SLC9A7: variants seen among roughly 807,000 people sequenced by gnomAD.
The protein encoded by SLC9A7 is sodium/hydrogen exchanger 7.
In SLC9A7, 19 loss-of-function variants were observed where a neutral mutation model predicts 52.6. The observed-to-expected ratio is 0.36, with a 90% confidence interval of 0.25 to 0.53. The LOEUF (loss-of-function observed/expected upper bound fraction) is 0.53. Among genes scored for constraint, SLC9A7 ranks in the 20% least tolerant of loss-of-function variants. The pLI, the probability that SLC9A7 is intolerant of heterozygous loss-of-function variation, is 0.91. For missense variants in SLC9A7, 455 were observed against 597.9 expected (o/e 0.76, Z 2.49); for synonymous variants, 226 against 252.1 (o/e 0.90, Z 0.98).
intron 7 of SLC9A7, among the ~76,000 whole-genome samples, chrX:46,657,804 A>G (rs1943729619): frequency 9.1e-6 from 1 of 109,905 alleles, no homozygotes. Context: ...TCAACATTAG[A>G]CAGATCAATG....
rs1394921421 is a variant in SLC9A7, at chrX:46,601,588, G to A, written c.*5364C>T. 8.9e-6 allele frequency: 1 copy of A among 112,687 alleles called. No individual in the cohort carries two copies. Among genetic ancestry groups the A allele is most frequent in the African/African-American group, 3.2e-5 (1 of 31,045 alleles). 9.3% of individuals were successfully genotyped at this position (112,687 alleles called of 1,213,427 possible). ...CAGCCTGAAGAGATCCTTGCTGTTT[G>A]CTTGATGAAACATTTGATGTCGCAG... is the stretch of plus-strand genomic sequence containing the variant. On this transcript the variant is annotated 3_prime_UTR_variant, in exon 17 of 17. Transcript: ENST00000616978.
chrX:46,688,928 T>C (rs1944339549), intron 1 of SLC9A7, among the ~76,000 whole-genome samples: 1 of 111,815 alleles, frequency 8.9e-6, no homozygotes, highest in East Asian at 2.8e-4. Flanking sequence ...TTTCCCCAAA[T>C]CTATGACCTA....
At chrX:46,644,048 T>C (rs1216877501) in intron 11 of SLC9A7, among the ~76,000 whole-genome samples, 1 of 112,512 alleles carries the variant, frequency 8.9e-6, no homozygotes. Flanking sequence ...ACAGGTCTAA[T>C]AATGAAAAGA....
intron 5 of SLC9A7, among the ~76,000 whole-genome samples, chrX:46,666,667 T>C (rs1602203760): frequency 8.9e-6 from 1 of 111,967 alleles, no homozygotes; most frequent in South Asian, 3.7e-4. Flanking sequence ...TACCATAGCA[T>C]AGACACATTA....
In SLC9A7 at chrX:46,673,705, G is replaced by C. The variant is rs759895069; in HGVS notation, c.604-1078C>G. 2.3e-4 allele frequency among the ~76,000 whole-genome samples: 26 copies of C among 112,083 alleles called. No homozygotes were observed. In the East Asian group the frequency reaches 5.9e-3, roughly 25 times the overall value. Reference sequence around the variant, plus strand: ...AGGAAGAAGAACCCAGCCTAGATCAGGCAGCTACCATGAAGCATGACCAGA... The same window carrying C: ...AGGAAGAAGAACCCAGCCTAGATCACGCAGCTACCATGAAGCATGACCAGA... On this transcript the variant is annotated intron_variant, in intron 3 of 16. Transcript: ENST00000616978.
chrX:46,683,352 G>A (rs182602702), intron 1 of SLC9A7, among the ~76,000 whole-genome samples: 1,363 of 111,255 alleles, frequency 0.012, 20 homozygotes, highest in Non-Finnish European at 0.017. Flanking sequence ...CACATCAGAG[G>A]AAAGGGGAGA....
chrX:46,635,320 C>T (rs1163132886), intron 13 of SLC9A7, among the ~76,000 whole-genome samples: 2 of 111,156 alleles, frequency 1.8e-5, no homozygotes, highest in Non-Finnish European at 1.9e-5. Context: ...GAAAAGGAGA[C>T]ACTTGACAAC....
chrX:46,752,980 C>T (rs1922345316), intron 1 of SLC9A7, among the ~76,000 whole-genome samples: 1 of 112,051 alleles, frequency 8.9e-6, no homozygotes, highest in African/African-American at 3.2e-5. Context: ...CTAAGAAATG[C>T]TTTTAGTAAA....
intron 1 of SLC9A7, among the ~76,000 whole-genome samples, chrX:46,729,623 A>C (rs1944996761): frequency 1.8e-5 from 2 of 110,504 alleles, no homozygotes; most frequent in Admixed American, 1.9e-4. Flanking sequence ...AAAATACAAA[A>C]TTAGCTGGGC....
At chrX:46,725,355 G>A (rs2146966040) in intron 1 of SLC9A7, 1 of 1,184,559 alleles carries the variant, frequency 8.4e-7, no homozygotes, top group East Asian at 3.0e-5. Flanking sequence ...CAGTTCTGGT[G>A]TGCCATAACT....
In SLC9A7 at chrX:46,604,477, G is replaced by A. The variant is rs964401209; in HGVS notation, c.*2475C>T. On this transcript the variant is annotated 3_prime_UTR_variant, in exon 17 of 17. Coordinates refer to ENST00000616978, the MANE Select transcript of SLC9A7 (RefSeq NM_001257291.2). The stretch of plus-strand genomic sequence containing the variant: ...AGGCAGGGTCTCATTCTGTTGCCCA[G>A]ACTGGATTGCAGTGGCATGATCTCA... 4 of 106,975 alleles carry A rather than the reference G, an allele frequency of 3.7e-5. No homozygotes were observed. The East Asian group carries it at 1.2e-3, about 31-fold the overall frequency. The allele number at this position is 106,975 out of a possible 1,213,427, so 8.8% of individuals were successfully genotyped here.
At chrX:46,685,475 G>C (rs899149171) in intron 1 of SLC9A7, 1 of 111,793 alleles carries the variant, frequency 8.9e-6, no homozygotes, top group Non-Finnish European at 1.9e-5. Context: ...CTTTCACTGG[G>C]ATAACCTTCT....
At chrX:46,661,229 G>A (rs1943814132) in intron 7 of SLC9A7, among the ~76,000 whole-genome samples, 1 of 109,071 alleles carries the variant, frequency 9.2e-6, no homozygotes, top group African/African-American at 3.4e-5. Context: ...TTGTGGGGTG[G>A]GGGAAGGGGG....
intron 7 of SLC9A7, among the ~76,000 whole-genome samples, chrX:46,660,432 C>A (rs1382005881): frequency 5.5e-5 from 6 of 109,622 alleles, no homozygotes; most frequent in Non-Finnish European, 3.8e-5. Context: ...AGTGAACAGG[C>A]AACCTACAAA....
At chrX:46,695,409 A>G (rs2146902050) in intron 1 of SLC9A7, among the ~76,000 whole-genome samples, 1 of 112,681 alleles carries the variant, frequency 8.9e-6, no homozygotes, top group East Asian at 2.8e-4. Flanking sequence ...TCAAATATGT[A>G]ACACAAACGT....
intron 1 of SLC9A7, among the ~76,000 whole-genome samples, chrX:46,716,369 A>G (rs1944769230): frequency 8.9e-6 from 1 of 111,990 alleles, no homozygotes; most frequent in African/African-American, 3.2e-5. Context: ...TAAACCAAGA[A>G]AGGAATCCCT....
Position 46,600,876 on chromosome X carries a change from A to G in SLC9A7, c.*6076T>C, listed in dbSNP as rs777537798. The G allele has an allele frequency of 7.2e-5, 8 of 111,535 alleles. No homozygotes were observed. Among genetic ancestry groups the G allele is most frequent in the Non-Finnish European group, 1.1e-4 (6 of 53,176 alleles). 9.2% of individuals were successfully genotyped at this position (111,535 alleles called of 1,213,427 possible). On this transcript the variant is annotated 3_prime_UTR_variant, in exon 17 of 17. Transcript: ENST00000616978. Reference sequence around the variant, plus strand: ...TCAGATGGGTTGTTTCTAAACTACAACTCTTGGCCACTAGATTCCTTTGAC... The same window carrying G: ...TCAGATGGGTTGTTTCTAAACTACAGCTCTTGGCCACTAGATTCCTTTGAC...
intron 12 of SLC9A7, among the ~76,000 whole-genome samples, chrX:46,639,732 G>C (rs181308379): frequency 1.1e-3 from 120 of 107,254 alleles, no homozygotes; most frequent in African/African-American, 4.0e-3. Context: ...AAAAAAAACT[G>C]TGGCTATTTA....
intron 1 of SLC9A7, among the ~76,000 whole-genome samples, chrX:46,714,281 G>T (rs1333694063): frequency 1.8e-5 from 2 of 111,460 alleles, no homozygotes; most frequent in Non-Finnish European, 3.8e-5. Context: ...GTAGAAGTAG[G>T]ATTCCAACTT....
Sources: allele counts gnomAD v4.1 joint callset (sites outside exome capture counted in the v4.1 genomes callset), GRCh38; gene constraint gnomAD v4.1.1; transcripts MANE v1.5; gene names NCBI Gene and HGNC (gene_info 2026-07-23, HGNC 2026-07-21).